Variants in SH3GL2 observed in about 807,000 individuals in gnomAD.
The protein encoded by SH3GL2 is SH3 domain containing GRB2 like 2, endophilin A1, also known as endophilin-A1.
A neutral mutation model predicts 46.0 loss-of-function variants in SH3GL2; 24 were observed. The observed-to-expected ratio is 0.52, with a 90% CI of 0.38 to 0.73. The LOEUF is 0.73. Ranked by LOEUF, SH3GL2 falls within the 30% of genes least tolerant of loss-of-function variation. SH3GL2 has a pLI of 0.00. For synonymous variants in SH3GL2, 196 were observed against 147.1 expected (o/e 1.33, Z -2.40); for missense variants, 413 against 424.2 (o/e 0.97, Z 0.23).
intron 3 of SH3GL2, among the ~76,000 whole-genome samples, chr9:17,762,025 T>C (rs943755521): frequency 1.3e-4 from 20 of 152,268 alleles, no homozygotes; most frequent in African/African-American, 4.8e-4. Context: ...GCTAACTTGT[T>C]ATACTCTAAG....
intron 3 of SH3GL2, among the ~76,000 whole-genome samples, chr9:17,774,122 C>T (rs1438678204): frequency 2.0e-5 from 3 of 152,006 alleles, no homozygotes; most frequent in African/African-American, 4.8e-5. Flanking sequence ...TATAGAAATG[C>T]AACTGATTTT....
intron 1 of SH3GL2, among the ~76,000 whole-genome samples, chr9:17,593,153 C>G (rs1382936363): frequency 1.3e-5 from 2 of 152,190 alleles, no homozygotes; most frequent in African/African-American, 4.8e-5. Flanking sequence ...TAATACCTTT[C>G]TAATAAATGG....
chr9:17,647,429 G>GTC (rs200175813), intron 1 of SH3GL2, among the ~76,000 whole-genome samples: 1 of 91,692 alleles, frequency 1.1e-5, no homozygotes, highest in African/African-American at 3.0e-5. Flanking sequence ...CTCTCTCTCT[G>GTC]TCTCTCTCTC....
At chr9:17,732,601 C>T (rs1331168000) in intron 1 of SH3GL2, among the ~76,000 whole-genome samples, 3 of 152,000 alleles carry the variant, frequency 2.0e-5, no homozygotes, top group Admixed American at 2.0e-4. Flanking sequence ...TGGTTAGGCA[C>T]AGGGGCCATG....
intron 1 of SH3GL2, among the ~76,000 whole-genome samples, chr9:17,656,650 ATC>A (rs943421819): frequency 4.6e-5 from 7 of 151,652 alleles, no homozygotes; most frequent in African/African-American, 1.7e-4. Context: ...TTATATTCAG[ATC>A]TATTGAGGAG....
chr9:17,749,853 A>C (rs2131134901), intron 2 of SH3GL2, among the ~76,000 whole-genome samples: 1 of 152,346 alleles, frequency 6.6e-6, no homozygotes, highest in Admixed American at 6.5e-5. Context: ...GTAAGGTATA[A>C]GGATTATTTC....
intron 1 of SH3GL2, among the ~76,000 whole-genome samples, chr9:17,686,006 A>G (rs1301818151): frequency 1.4e-5 from 2 of 143,296 alleles, no homozygotes; most frequent in South Asian, 2.4e-4. Context: ...TGAACAGGCA[A>G]CCTACAAAAT....
chr9:17,613,614 T>A (rs991907786), intron 1 of SH3GL2, among the ~76,000 whole-genome samples: 3 of 152,194 alleles, frequency 2.0e-5, no homozygotes, highest in Non-Finnish European at 4.4e-5. Context: ...TGTTTTCCTC[T>A]AGTTACGTGA....
At chr9:17,760,459 C>T (rs1307025544) in intron 2 of SH3GL2, among the ~76,000 whole-genome samples, 1 of 151,576 alleles carries the variant, frequency 6.6e-6, no homozygotes, top group East Asian at 1.9e-4. Context: ...TTGGTATATA[C>T]TGATATTATA....
At chr9:17,765,483 A>C (rs769695447) in intron 3 of SH3GL2, among the ~76,000 whole-genome samples, 9 of 152,232 alleles carry the variant, frequency 5.9e-5, no homozygotes, top group Non-Finnish European at 1.0e-4. Flanking sequence ...AAGGTCCTAC[A>C]TCCACTCTTG....
chr9:17,635,003 A>G (rs1487138392), intron 1 of SH3GL2, among the ~76,000 whole-genome samples: 2 of 152,176 alleles, frequency 1.3e-5, no homozygotes, highest in African/African-American at 4.8e-5. Flanking sequence ...AAGTTCAAGG[A>G]TACGTGGGCA....
intron 1 of SH3GL2, among the ~76,000 whole-genome samples, chr9:17,645,959 A>T (rs748420656): frequency 4.6e-5 from 7 of 151,996 alleles, no homozygotes; most frequent in Admixed American, 2.0e-4. Context: ...TAATATCCTG[A>T]AATATGTCTT....
chr9:17,618,622 T>C (rs77469642), intron 1 of SH3GL2, among the ~76,000 whole-genome samples: 1 of 152,326 alleles, frequency 6.6e-6, no homozygotes, highest in Non-Finnish European at 1.5e-5. Context: ...TGCGCTTGAC[T>C]GTAGGGTGCT....
intron 1 of SH3GL2, among the ~76,000 whole-genome samples, chr9:17,632,598 A>C (rs1307776077): frequency 6.6e-6 from 1 of 152,160 alleles, no homozygotes; most frequent in East Asian, 1.9e-4. Context: ...TCTTTTAATG[A>C]TTACATCCTT....
intron 3 of SH3GL2, among the ~76,000 whole-genome samples, chr9:17,772,880 T>C (rs1823530668): frequency 6.6e-6 from 1 of 152,312 alleles, no homozygotes; most frequent in African/African-American, 2.4e-5. Flanking sequence ...TTGCTGGAAC[T>C]TAAGGGAATT....
intron 1 of SH3GL2, among the ~76,000 whole-genome samples, chr9:17,627,855 T>A (rs769951369): frequency 7.9e-5 from 12 of 152,176 alleles, no homozygotes; most frequent in Admixed American, 2.0e-4. Flanking sequence ...ATTGTTTATT[T>A]TTACTGCTCT....
intron 1 of SH3GL2, among the ~76,000 whole-genome samples, chr9:17,674,111 A>G (rs1208997097): frequency 6.6e-6 from 1 of 152,306 alleles, no homozygotes; most frequent in East Asian, 1.9e-4. Context: ...GTGGCAAGAA[A>G]TGTCTTTGCC....
chr9:17,711,385 A>G (rs566489678), intron 1 of SH3GL2, among the ~76,000 whole-genome samples: 10 of 151,986 alleles, frequency 6.6e-5, no homozygotes, highest in African/African-American at 2.2e-4. Flanking sequence ...ATATATATAC[A>G]TCTGTGAATT....
intron 3 of SH3GL2, among the ~76,000 whole-genome samples, chr9:17,776,662 T>C (rs1823647561): frequency 1.0e-5 from 1 of 97,946 alleles, no homozygotes; most frequent in African/African-American, 4.0e-5. Context: ...TTTCAAAATG[T>C]CCCATCTTTT....
Sources: allele counts gnomAD v4.1 joint callset (sites outside exome capture counted in the v4.1 genomes callset), GRCh38; gene constraint gnomAD v4.1.1; transcripts MANE v1.5; gene names NCBI Gene and HGNC (gene_info 2026-07-23, HGNC 2026-07-21).